ASAP1: variants seen among roughly 807,000 people sequenced by gnomAD.
ASAP1 encodes the protein ArfGAP with SH3 domain, ankyrin repeat and PH domain 1, also known as arf-GAP with SH3 domain, ANK repeat and PH domain-containing protein 1.
A neutral mutation model predicts 145.2 loss-of-function variants in ASAP1; 43 were observed. That is an observed-to-expected ratio of 0.30 (90% CI 0.23 to 0.38). The LOEUF (loss-of-function observed/expected upper bound fraction) is 0.38, where lower values mean the gene tolerates loss of function less well. Among genes scored for constraint, ASAP1 ranks in the 10% least tolerant of loss-of-function variants. ASAP1 has a pLI of 1.00. For missense variants in ASAP1, 1,018 were observed against 1,355.3 expected (o/e 0.75, Z 3.91); for synonymous variants, 546 against 515.5 (o/e 1.06, Z -0.80).
chr8:130,242,602 T>TG (rs758911383), intron 3 of ASAP1, among the ~76,000 whole-genome samples: 3 of 152,098 alleles, frequency 2.0e-5, no homozygotes, highest in Non-Finnish European at 4.4e-5. Flanking sequence ...CATAAGAGGA[T>TG]GAAAAAGTGA....
chr8:130,274,533 G>A (rs1820765695), intron 3 of ASAP1, among the ~76,000 whole-genome samples: 1 of 152,196 alleles, frequency 6.6e-6, no homozygotes, highest in South Asian at 2.1e-4. Flanking sequence ...AAACAGGTAA[G>A]GGGATACTTA....
intron 3 of ASAP1, among the ~76,000 whole-genome samples, chr8:130,262,115 G>A (rs1363126688): frequency 1.3e-5 from 2 of 151,836 alleles, no homozygotes; most frequent in Non-Finnish European, 2.9e-5. Context: ...AGGGAGTACC[G>A]GCTGGGCGCG....
At chr8:130,327,966 G>A (rs930939531) in intron 3 of ASAP1, among the ~76,000 whole-genome samples, 4 of 152,114 alleles carry the variant, frequency 2.6e-5, no homozygotes, top group African/African-American at 9.6e-5. Context: ...CAATATAAAA[G>A]GAAATGGCAG....
chr8:130,334,105 G>GC (rs1824879860), intron 3 of ASAP1, among the ~76,000 whole-genome samples: 1 of 152,172 alleles, frequency 6.6e-6, no homozygotes, highest in Non-Finnish European at 1.5e-5. Context: ...ACGTGAAAAT[G>GC]CAAGAGGCTT....
intron 24 of ASAP1, among the ~76,000 whole-genome samples, chr8:130,094,190 GCTT>G (rs1468849581): frequency 6.6e-6 from 1 of 152,100 alleles, no homozygotes; most frequent in African/African-American, 2.4e-5. Flanking sequence ...CTATTCCTCA[GCTT>G]CTTCCCTAGG....
chr8:130,325,023 C>T (rs1337010892), intron 3 of ASAP1, among the ~76,000 whole-genome samples: 1 of 152,138 alleles, frequency 6.6e-6, no homozygotes, highest in Non-Finnish European at 1.5e-5. Context: ...TGCTTGCAGG[C>T]CCTTCCAGAG....
At chr8:130,263,869 A>T (rs1280912823) in intron 3 of ASAP1, among the ~76,000 whole-genome samples, 1 of 152,240 alleles carries the variant, frequency 6.6e-6, no homozygotes, top group African/African-American at 2.4e-5. Context: ...TATTTCACAG[A>T]TGAGGAAACC....
At chr8:130,114,203 G>A (rs975941732) in intron 23 of ASAP1, among the ~76,000 whole-genome samples, 6 of 152,116 alleles carry the variant, frequency 3.9e-5, no homozygotes, top group Non-Finnish European at 5.9e-5. Context: ...AGGTGATTTC[G>A]TTCTTGTGCG....
chr8:130,299,177 C>T (rs938116891), intron 3 of ASAP1, among the ~76,000 whole-genome samples: 1 of 152,028 alleles, frequency 6.6e-6, no homozygotes, highest in African/African-American at 2.4e-5. Context: ...AGTACACAAG[C>T]GGATAACAGT....
chr8:130,076,546 G>T (rs1449821004), intron 26 of ASAP1, 140 bp from the exon 27 acceptor site: 2 of 645,460 alleles, frequency 3.1e-6, no homozygotes, highest in African/African-American at 3.7e-5. Context: ...TTTTGAGATG[G>T]AGTCTCCCTC....
At chr8:130,404,212 C>T (rs754066671) in intron 1 of ASAP1, among the ~76,000 whole-genome samples, 24 of 152,164 alleles carry the variant, frequency 1.6e-4, no homozygotes, top group Non-Finnish European at 2.2e-4. Flanking sequence ...GTTGGATAAA[C>T]GATCAAACCA....
chr8:130,242,273 A>AAC (rs1818577831), intron 3 of ASAP1, among the ~76,000 whole-genome samples: 1 of 144,582 alleles, frequency 6.9e-6, no homozygotes, highest in Non-Finnish European at 1.5e-5. Flanking sequence ...AAAAAAAAAA[A>AAC]AAAAAAAAAA....
At chr8:130,407,581 C>T (rs1328035734) in intron 1 of ASAP1, among the ~76,000 whole-genome samples, 1 of 152,240 alleles carries the variant, frequency 6.6e-6, no homozygotes, top group East Asian at 1.9e-4. Context: ...CCACCAGCGA[C>T]AGAAAGATTT....
At chr8:130,257,337 G>C (rs1022441655) in intron 3 of ASAP1, among the ~76,000 whole-genome samples, 1 of 152,056 alleles carries the variant, frequency 6.6e-6, no homozygotes, top group African/African-American at 2.4e-5. Flanking sequence ...CCAATGACAA[G>C]GTCCACTAAG....
In ASAP1 at chr8:130,155,910, A is replaced by G. The variant is rs141600724; in HGVS notation, c.1011-3105T>C. On this transcript the variant is annotated intron_variant, in intron 12 of 29. Transcript: ENST00000518721. ...TTAGAAAATGGTCTCGTATAAATAGATAATTCCAACTTTGATGCCAGATCA... is the reference window on the plus strand; with the variant it reads ...TTAGAAAATGGTCTCGTATAAATAGGTAATTCCAACTTTGATGCCAGATCA... Among the ~76,000 whole-genome samples, 653 of 152,328 alleles carry G rather than the reference A, an allele frequency of 4.3e-3. 9 individuals carry two copies. Among genetic ancestry groups the G allele is most frequent in the African/African-American group, 0.015 (621 of 41,566 alleles).
intron 1 of ASAP1, among the ~76,000 whole-genome samples, chr8:130,419,100 T>C (rs926652918): frequency 6.6e-6 from 1 of 152,112 alleles, no homozygotes; most frequent in African/African-American, 2.4e-5. Context: ...CCCGCACGCA[T>C]TGTCTCACCC....
chr8:130,167,377 A>G, intron 11 of ASAP1, 159 bp downstream of exon 11: 2 of 780,236 alleles, frequency 2.6e-6, no homozygotes, highest in South Asian at 1.4e-5. Flanking sequence ...TAAGCAAGGA[A>G]AAGGAACTAA....
intron 27 of ASAP1, among the ~76,000 whole-genome samples, chr8:130,072,836 G>A (rs116824299): frequency 0.15 from 2,768 of 18,462 alleles, 103 homozygotes; most frequent in African/African-American, 0.22. Context: ...CGCGCGGGGG[G>A]GGGCAGTTTT....
At chr8:130,101,238 G>A (rs1388770878) in intron 24 of ASAP1, among the ~76,000 whole-genome samples, 1 of 151,914 alleles carries the variant, frequency 6.6e-6, no homozygotes, top group East Asian at 1.9e-4. Context: ...TTTTCTTTTG[G>A]CTTAGTATTA....
Sources: allele counts gnomAD v4.1 joint callset (sites outside exome capture counted in the v4.1 genomes callset), GRCh38; gene constraint gnomAD v4.1.1; transcripts MANE v1.5; gene names NCBI Gene and HGNC (gene_info 2026-07-23, HGNC 2026-07-21).